The following ITPR1 variants were observed in gnomAD, a reference collection of about 807,000 sequenced individuals.
ITPR1 encodes inositol 1,4,5-trisphosphate receptor type 1, also known as inositol 1,4,5-trisphosphate-gated calcium channel ITPR1.
In ITPR1, 96 loss-of-function variants were observed where a neutral mutation model predicts 318.4. The observed-to-expected ratio is 0.30, with a 90% CI of 0.26 to 0.36. The LOEUF is 0.36. Ranked by LOEUF, ITPR1 falls within the 10% of genes least tolerant of loss-of-function variation. ITPR1 has a pLI of 1.00. For synonymous variants in ITPR1, 1,312 were observed against 1,289.9 expected, an observed-to-expected ratio of 1.02 and a Z score of -0.37; for missense variants, 2,440 against 3,460.2, an observed-to-expected ratio of 0.71 and a Z score of 7.40.
At chr3:4,752,748 C>G (rs2044639951) in intron 44 of ITPR1, among the ~76,000 whole-genome samples, 1 of 152,216 alleles carries the variant, frequency 6.6e-6, no homozygotes, top group African/African-American at 2.4e-5. Context: ...ATCTTTCTGT[C>G]TCAGCCTCCG....
At chr3:4,618,718 G>A (rs1319890281) in intron 4 of ITPR1, among the ~76,000 whole-genome samples, 3 of 152,042 alleles carry the variant, frequency 2.0e-5, no homozygotes, top group East Asian at 1.9e-4. Flanking sequence ...CCTCACCACC[G>A]TCCTCTATCC....
At chr3:4,584,875 A>G (rs1559489694) in intron 4 of ITPR1, among the ~76,000 whole-genome samples, 1 of 152,246 alleles carries the variant, frequency 6.6e-6, no homozygotes, top group Non-Finnish European at 1.5e-5. Flanking sequence ...TGAAGAGACA[A>G]AATGAAGCAA....
intron 5 of ITPR1, among the ~76,000 whole-genome samples, chr3:4,637,664 T>C (rs2093230727): frequency 6.6e-6 from 1 of 152,218 alleles, no homozygotes; most frequent in African/African-American, 2.4e-5. Flanking sequence ...CTGATACAGA[T>C]GGGGTCAACT....
chr3:4,841,845 T>C (rs892121802), intron 61 of ITPR1, among the ~76,000 whole-genome samples: 2 of 152,332 alleles, frequency 1.3e-5, no homozygotes, highest in East Asian at 1.9e-4. Flanking sequence ...TATACATTGA[T>C]AGTAAATCAA....
At chr3:4,787,909 A>G in intron 51 of ITPR1, 38 bp from the exon 52 acceptor site, 1 of 1,470,136 alleles carries the variant, frequency 6.8e-7, no homozygotes, top group Non-Finnish European at 9.4e-7. Flanking sequence ...AAAGGTTTCA[A>G]AGATGAATAT....
At chr3:4,634,445 G>T (rs1316617086) in intron 5 of ITPR1, among the ~76,000 whole-genome samples, 2 of 151,738 alleles carry the variant, frequency 1.3e-5, no homozygotes. Flanking sequence ...CTCCTGAGCT[G>T]AAGCAATCCA....
At chr3:4,648,094 G>A (rs1225417176) in intron 10 of ITPR1, among the ~76,000 whole-genome samples, 4 of 152,098 alleles carry the variant, frequency 2.6e-5, no homozygotes, top group African/African-American at 9.7e-5. Context: ...GGAGGTTGTG[G>A]TAAGCCGAGA....
At position 4,697,253 on chromosome 3, in the gene ITPR1, T is replaced by G; in HGVS notation, c.4388T>G (p.Phe1463Cys). Residue 1463 changes from phenylalanine (F) to cysteine (C), a missense_variant, in exon 34 of 62, where the codon TTC becomes TGC. Phe to Cys is a radical substitution (Grantham distance 205). Transcript: ENST00000649015. ...CACATGTGGAAATTGTTTGAGAATT[T>G]CCTTGTAGACATCTGCAGGGTAAGG... ...SNHMWKLFEN[F>C]LVDICRACNN... 1 of 1,562,002 alleles carries G rather than the reference T, an allele frequency of 6.4e-7. No homozygotes were observed. Among genetic ancestry groups the G allele is most frequent in the Non-Finnish European group, 8.7e-7 (1 of 1,152,068 alleles).
chr3:4,828,886 G>T (rs891853762), intron 60 of ITPR1, among the ~76,000 whole-genome samples: 1 of 152,096 alleles, frequency 6.6e-6, no homozygotes, highest in Admixed American at 6.6e-5. Flanking sequence ...ATGCCGTTTG[G>T]ATACCCTTCA....
chr3:4,576,063 T>C (rs2088624160), intron 4 of ITPR1, among the ~76,000 whole-genome samples: 1 of 151,732 alleles, frequency 6.6e-6, no homozygotes, highest in South Asian at 2.1e-4. Context: ...AAGAGATTTA[T>C]AGTCTAATGA....
intron 4 of ITPR1, among the ~76,000 whole-genome samples, chr3:4,568,518 G>A (rs1399055390): frequency 2.6e-5 from 4 of 152,172 alleles, no homozygotes; most frequent in Non-Finnish European, 5.9e-5. Context: ...GGTAATATAG[G>A]GAGCTGTGTG....
chr3:4,812,991 G>A (rs1462617841), intron 56 of ITPR1, 151 bp from the exon 57 acceptor site: 3 of 666,176 alleles, frequency 4.5e-6, no homozygotes, highest in African/African-American at 1.8e-5. Flanking sequence ...AAATGAAAGT[G>A]TAAATTGCAT....
At chr3:4,679,726 T>C (rs1277775736) in intron 24 of ITPR1, among the ~76,000 whole-genome samples, 1 of 152,216 alleles carries the variant, frequency 6.6e-6, no homozygotes, top group Admixed American at 6.5e-5. Context: ...CAAGTTGGCA[T>C]ATAAAATTAA....
At chr3:4,580,767 A>T (rs2089251157) in intron 4 of ITPR1, among the ~76,000 whole-genome samples, 1 of 150,864 alleles carries the variant, frequency 6.6e-6, no homozygotes, top group African/African-American at 2.5e-5. Context: ...GAGCATGCCT[A>T]GTCCTTCTCC....
chr3:4,694,010 G>T (rs2094519067), intron 33 of ITPR1, among the ~76,000 whole-genome samples: 1 of 152,246 alleles, frequency 6.6e-6, no homozygotes, highest in Non-Finnish European at 1.5e-5. Context: ...AATTTAGCCT[G>T]TTGAGCAAAG....
intron 26 of ITPR1, 56 bp from the exon 27 acceptor site, chr3:4,683,330 C>A: frequency 1.3e-6 from 2 of 1,583,458 alleles, no homozygotes; most frequent in Non-Finnish European, 1.7e-6. Context: ...GCCCAAGGGG[C>A]GTGAGAGGAG....
intron 12 of ITPR1, among the ~76,000 whole-genome samples, chr3:4,655,846 T>A (rs2093695257): frequency 1.3e-5 from 2 of 152,176 alleles, no homozygotes; most frequent in Non-Finnish European, 1.5e-5. Flanking sequence ...GAGGGGATCT[T>A]ACCCGACGCC....
intron 40 of ITPR1, among the ~76,000 whole-genome samples, chr3:4,722,639 T>C (rs1294581500): frequency 6.6e-6 from 1 of 152,172 alleles, no homozygotes; most frequent in African/African-American, 2.4e-5. Flanking sequence ...AATAACCTTA[T>C]CCTCAAGGAA....
chr3:4,758,289 T>C (rs548882558), intron 44 of ITPR1, among the ~76,000 whole-genome samples: 7 of 152,122 alleles, frequency 4.6e-5, no homozygotes, highest in Non-Finnish European at 7.4e-5. Flanking sequence ...ATGCTTTTCT[T>C]TGAGGAAGGA....
Sources: gnomAD v4.1 joint callset for allele counts (sites outside exome capture counted in the v4.1 genomes callset) on GRCh38, gnomAD v4.1.1 for gene constraint, MANE v1.5 for transcripts, NCBI Gene and HGNC (gene_info 2026-07-23, HGNC 2026-07-21) for gene names.